The following TBC1D22A variants were observed in gnomAD, a reference collection of about 807,000 sequenced individuals.
The protein encoded by TBC1D22A is putative GTPase activator.
In TBC1D22A, 38 loss-of-function variants were observed where a neutral mutation model predicts 60.2. The observed-to-expected ratio is 0.63, with a 90% CI of 0.49 to 0.83. The LOEUF (loss-of-function observed/expected upper bound fraction) is 0.83, where lower values mean the gene tolerates loss of function less well. TBC1D22A is among the 40% of genes least tolerant of loss of function. TBC1D22A has a pLI of 0.00. For synonymous variants in TBC1D22A, 302 were observed against 281.7 expected, an observed-to-expected ratio of 1.07 and a Z score of -0.72; for missense variants, 628 against 701.0, an observed-to-expected ratio of 0.90 and a Z score of 1.18.
chr22:47,118,314 A>T (rs1215328053), intron 12 of TBC1D22A, among the ~76,000 whole-genome samples: 1 of 152,250 alleles, frequency 6.6e-6, no homozygotes, highest in Non-Finnish European at 1.5e-5. Flanking sequence ...CAGCAATGAC[A>T]TAAACTTTGT....
intron 4 of TBC1D22A, among the ~76,000 whole-genome samples, chr22:46,874,402 C>T (rs2067437692): frequency 1.3e-5 from 2 of 152,080 alleles, no homozygotes; most frequent in South Asian, 4.2e-4. Flanking sequence ...CTCCCACAGA[C>T]AGTGTAAAGG....
chr22:47,130,228 C>T (rs556602869), intron 12 of TBC1D22A, among the ~76,000 whole-genome samples: 3 of 152,308 alleles, frequency 2.0e-5, no homozygotes, highest in South Asian at 4.1e-4. Context: ...CCGGAGCGGG[C>T]GTGTCTGGAG....
intron 11 of TBC1D22A, among the ~76,000 whole-genome samples, chr22:47,070,438 ACG>A (rs1569417068): frequency 1.4e-4 from 15 of 109,682 alleles, no homozygotes; most frequent in South Asian, 8.9e-4. Flanking sequence ...GTTTGGTTGG[ACG>A]CTGTCCCCTG....
At chr22:47,152,250 G>T (rs1204266935) in intron 12 of TBC1D22A, among the ~76,000 whole-genome samples, 2 of 152,242 alleles carry the variant, frequency 1.3e-5, no homozygotes, top group African/African-American at 4.8e-5. Flanking sequence ...TCAGTCATGC[G>T]TTCAAAACAA....
intron 12 of TBC1D22A, among the ~76,000 whole-genome samples, chr22:47,129,136 T>C (rs539625066): frequency 6.6e-6 from 1 of 152,304 alleles, no homozygotes; most frequent in African/African-American, 2.4e-5. Context: ...GCAGATCTCC[T>C]AGGAACACAT....
chr22:47,066,262 C>A (rs1020285203), intron 11 of TBC1D22A, among the ~76,000 whole-genome samples: 1 of 152,200 alleles, frequency 6.6e-6, no homozygotes, highest in Non-Finnish European at 1.5e-5. Flanking sequence ...GGCAAAGCCA[C>A]CTGGTGCTCA....
At chr22:47,140,941 C>G (rs1161490591) in intron 12 of TBC1D22A, among the ~76,000 whole-genome samples, 2 of 152,258 alleles carry the variant, frequency 1.3e-5, no homozygotes, top group Admixed American at 1.3e-4. Flanking sequence ...GACTCTAGGA[C>G]CGCTCTGGCT....
At chr22:46,971,329 T>C (rs1442765719) in intron 8 of TBC1D22A, among the ~76,000 whole-genome samples, 1 of 152,192 alleles carries the variant, frequency 6.6e-6, no homozygotes, top group East Asian at 1.9e-4. Flanking sequence ...AGGCAGAGGC[T>C]GTCAAGGTCT....
At chr22:46,816,669 T>G (rs2147071520) in intron 4 of TBC1D22A, among the ~76,000 whole-genome samples, 1 of 152,298 alleles carries the variant, frequency 6.6e-6, no homozygotes, top group Non-Finnish European at 1.5e-5. Context: ...ATGATTCTTT[T>G]TTTTTCTTTT....
intron 1 of TBC1D22A, among the ~76,000 whole-genome samples, chr22:46,782,631 T>A (rs539907749): frequency 6.6e-6 from 1 of 152,280 alleles, no homozygotes; most frequent in African/African-American, 2.4e-5. Context: ...CCTGTTAGCA[T>A]TCACTTCCCA....
chr22:47,066,771 G>A (rs1569412969), intron 11 of TBC1D22A, among the ~76,000 whole-genome samples: 4 of 152,094 alleles, frequency 2.6e-5, no homozygotes, highest in Admixed American at 6.5e-5. Context: ...AACTTTGCTC[G>A]ACCCCCTGGC....
At chr22:47,130,707 C>T (rs1278782273) in intron 12 of TBC1D22A, among the ~76,000 whole-genome samples, 3 of 152,288 alleles carry the variant, frequency 2.0e-5, no homozygotes, top group Non-Finnish European at 4.4e-5. Flanking sequence ...TGGGACCCTG[C>T]GGTCTGCAAA....
chr22:46,955,313 G>A (rs575880925), intron 8 of TBC1D22A, among the ~76,000 whole-genome samples: 3 of 152,254 alleles, frequency 2.0e-5, no homozygotes, highest in African/African-American at 7.2e-5. Flanking sequence ...GAATAAGAAA[G>A]GCCAAACAAA....
intron 11 of TBC1D22A, among the ~76,000 whole-genome samples, chr22:47,041,581 G>C (rs559347982): frequency 6.6e-6 from 1 of 152,168 alleles, no homozygotes; most frequent in Non-Finnish European, 1.5e-5. Flanking sequence ...AGTATTTCAC[G>C]GAAGCCCTGG....
intron 7 of TBC1D22A, among the ~76,000 whole-genome samples, chr22:46,908,022 C>T (rs1016358476): frequency 2.6e-5 from 4 of 152,286 alleles, no homozygotes; most frequent in East Asian, 1.9e-4. Context: ...GAGCAGGGAG[C>T]GGCCAGGCAC....
At chr22:47,004,773 G>T in intron 10 of TBC1D22A, among the ~76,000 whole-genome samples, 1 of 145,696 alleles carries the variant, frequency 6.9e-6, no homozygotes, top group Non-Finnish European at 1.5e-5. Flanking sequence ...TACACACTCA[G>T]ATGCCTATAT....
At chr22:46,886,100 C>T (rs117414841) in intron 5 of TBC1D22A, among the ~76,000 whole-genome samples, 1,686 of 152,034 alleles carry the variant, frequency 0.011, 29 homozygotes, top group African/African-American at 0.037. Flanking sequence ...GTATTTTCAC[C>T]GTGTTAGCCA....
chr22:46,799,813 G>A (rs1456352484), intron 4 of TBC1D22A, among the ~76,000 whole-genome samples: 3 of 152,240 alleles, frequency 2.0e-5, no homozygotes, highest in Non-Finnish European at 2.9e-5. Context: ...GAAGGGATTC[G>A]TGTTCTCCTT....
chr22:46,918,100 A>G (rs1374202527), intron 8 of TBC1D22A, among the ~76,000 whole-genome samples: 1 of 152,214 alleles, frequency 6.6e-6, no homozygotes, highest in African/African-American at 2.4e-5. Flanking sequence ...GTGAACACTG[A>G]GCGAGGCAAA....
Sources: allele counts gnomAD v4.1 joint callset (sites outside exome capture counted in the v4.1 genomes callset), GRCh38; gene constraint gnomAD v4.1.1; transcripts MANE v1.5; gene names NCBI Gene and HGNC (gene_info 2026-07-23, HGNC 2026-07-21).